TRAF3IP3: variants seen among roughly 807,000 people sequenced by gnomAD.
The protein encoded by TRAF3IP3 is TRAF3-interacting JNK-activating modulator.
TRAF3IP3 carries 64 observed loss-of-function variants against 86.5 expected under a neutral mutation model. The ratio of observed to expected loss-of-function variants is 0.74; its 90% CI spans 0.60 to 0.91. The LOEUF is 0.91. Ranked by LOEUF, TRAF3IP3 falls within the 40% of genes least tolerant of loss-of-function variation. TRAF3IP3 has a pLI of 0.00. For synonymous variants in TRAF3IP3, 220 were observed against 243.9 expected (o/e 0.90, Z 0.91); for missense variants, 579 against 642.9 (o/e 0.90, Z 1.07).
chr1:209,764,627 C>A (rs1324087135), intron 8 of TRAF3IP3, among the ~76,000 whole-genome samples: 2 of 151,330 alleles, frequency 1.3e-5, no homozygotes, highest in Admixed American at 1.3e-4. Context: ...GCCTGTAATC[C>A]CAGCTACTCA....
chr1:209,767,017 G>A (rs571803581), intron 8 of TRAF3IP3, among the ~76,000 whole-genome samples: 1 of 152,328 alleles, frequency 6.6e-6, no homozygotes, highest in African/African-American at 2.4e-5. Flanking sequence ...ACAGGCCTAT[G>A]TATGGCAAAG....
chr1:209,764,880 A>G (rs989334976), intron 8 of TRAF3IP3, among the ~76,000 whole-genome samples: 1 of 152,202 alleles, frequency 6.6e-6, no homozygotes, highest in Admixed American at 6.5e-5. Flanking sequence ...CATACTAGAA[A>G]TTAAAACAGT....
At chr1:209,781,052 C>G (rs1327299373) in intron 15 of TRAF3IP3, 1 of 230,688 alleles carries the variant, frequency 4.3e-6, no homozygotes. Context: ...TCTATAAGAA[C>G]TTCATTTTTC....
intron 8 of TRAF3IP3, chr1:209,768,728 C>A: frequency 1.0e-6 from 1 of 978,160 alleles, no homozygotes; most frequent in Non-Finnish European, 1.2e-6. Flanking sequence ...CCTCGGCTCC[C>A]GGGGTCTAAC....
chr1:209,774,643 G>A (rs977805465), intron 9 of TRAF3IP3, among the ~76,000 whole-genome samples: 22 of 152,230 alleles, frequency 1.4e-4, no homozygotes. Flanking sequence ...AGCATGGGAT[G>A]AAAGTCTAGG....
intron 8 of TRAF3IP3, chr1:209,768,279 C>G (rs1571929988): frequency 1.0e-6 from 1 of 985,452 alleles, no homozygotes; most frequent in Non-Finnish European, 1.2e-6. Context: ...CAAGGATCAG[C>G]TCCCTCCGCT....
chr1:209,775,271 T>G, intron 9 of TRAF3IP3, 78 bp from the exon 10 acceptor site: 1 of 1,435,548 alleles, frequency 7.0e-7, no homozygotes, highest in Non-Finnish European at 9.5e-7. Flanking sequence ...ACCAACTTCT[T>G]TTCATTTCTG....
In TRAF3IP3 at chr1:209,780,570, A is replaced by G; in HGVS notation, c.1413A>G (p.Gln471=). ...ACTGGGATCTCAGAGACCAGCTGCA[A>G]AAGAAGACTTTGCAGCTCCAGGCCA... ...EKDWDLRDQL[Q]KKTLQLQAKE... The change falls in exon 15 of 17, where the codon CAA becomes CAG. Residue 471 remains glutamine, a synonymous_variant. Transcript: ENST00000367025. 6.3e-7 allele frequency: 1 copy of G among 1,598,988 alleles called. No homozygotes were observed. The highest frequency in any genetic ancestry group is 1.7e-5 in the Admixed American group (1 of 58,744).
In TRAF3IP3 at chr1:209,778,141, T is replaced by C. The variant is rs2077697921; in HGVS notation, c.1220T>C (p.Leu407Pro). The C allele has an allele frequency of 6.2e-7, 1 of 1,614,138 alleles. No individual in the cohort carries two copies. Among genetic ancestry groups the C allele is most frequent in the Non-Finnish European group, 8.5e-7 (1 of 1,179,984 alleles). The change falls in exon 13 of 17, where the codon CTC (leucine) becomes CCC (proline). Residue 407 changes from leucine (L) to proline (P), a missense_variant. Coordinates refer to ENST00000367025, the MANE Select transcript of TRAF3IP3 (RefSeq NM_025228.4). ...CTAAAAAGGTCAGAGGCAGAGAAACTCACCCTGGTGACCAGAGTACAGCAG... is the reference window on the plus strand; with the variant it reads ...CTAAAAAGGTCAGAGGCAGAGAAACCCACCCTGGTGACCAGAGTACAGCAG... Reference protein sequence around the residue: ...DQLKRSEAEKLTLVTRVQQLQ... With the variant: ...DQLKRSEAEKPTLVTRVQQLQ...
chr1:209,767,656 C>T (rs540328021), intron 8 of TRAF3IP3, among the ~76,000 whole-genome samples: 14 of 149,828 alleles, frequency 9.3e-5, no homozygotes, highest in Admixed American at 8.0e-4. Context: ...CATGGGGTAA[C>T]AGAGCAAGAC....
chr1:209,760,070 G>A lies in TRAF3IP3; in HGVS notation c.31G>A (p.Gly11Ser). 6.2e-7 allele frequency: 1 copy of A among 1,614,034 alleles called. No individual in the cohort carries two copies. Among genetic ancestry groups the A allele is most frequent in the Non-Finnish European group, 8.5e-7 (1 of 1,179,950 alleles). The change falls in exon 3 of 17, where the codon GGC becomes AGC. Residue 11 changes from glycine (G) to serine (S), a missense_variant. Gly to Ser is a moderately conservative substitution (Grantham distance 56). Coordinates refer to ENST00000367025, the MANE Select transcript of TRAF3IP3 (RefSeq NM_025228.4). ...CAGCCCAGACCCCAGGCCCTCCCCTGGCTTGGCCCGGTGGGCTGAGAGCTA... is the reference window on the plus strand; with the variant it reads ...CAGCCCAGACCCCAGGCCCTCCCCTAGCTTGGCCCGGTGGGCTGAGAGCTA... MISPDPRPSP[G>S]LARWAESYEA...
chr1:209,760,052 G>T lies in TRAF3IP3; in HGVS notation c.13G>T (p.Asp5Tyr), dbSNP rs1244912550. MISP[D>Y]PRPSPGLARW... The stretch of plus-strand genomic sequence containing the variant: ...CTTGGAGGTCATCATGATCAGCCCA[G>T]ACCCCAGGCCCTCCCCTGGCTTGGC... Residue 5 changes from aspartate (D) to tyrosine (Y), a missense_variant, in exon 3 of 17, where the codon GAC (aspartate) becomes TAC (tyrosine). Asp to Tyr is a radical substitution (Grantham distance 160). Coordinates refer to ENST00000367025, the MANE Select transcript of TRAF3IP3 (RefSeq NM_025228.4). 1.2e-6 allele frequency: 2 copies of T among 1,613,240 alleles called. No individual in the cohort carries two copies. The highest frequency in any genetic ancestry group is 4.5e-5 in the East Asian group (2 of 44,878).
At chr1:209,758,907 C>G (rs868815692) in intron 1 of TRAF3IP3, 127 bp from the exon 2 acceptor site, 3 of 152,582 alleles carry the variant, frequency 2.0e-5, no homozygotes, top group African/African-American at 7.2e-5. Flanking sequence ...AAAGGGGATT[C>G]AGGTCTAGGT....
At chr1:209,777,237 CTTCT>C (rs1571959794) in intron 11 of TRAF3IP3, 111 bp from the exon 12 acceptor site, 1 of 882,590 alleles carries the variant, frequency 1.1e-6, no homozygotes, top group Non-Finnish European at 1.7e-6. Context: ...CCTAACATTC[CTTCT>C]ATCTCTAAAA....
chr1:209,771,983 G>T (rs1004499108), intron 8 of TRAF3IP3, among the ~76,000 whole-genome samples: 2 of 145,732 alleles, frequency 1.4e-5, no homozygotes, highest in Admixed American at 7.3e-5. Flanking sequence ...GTGGAGGTAC[G>T]TGTGTGCAGG....
chr1:209,756,422 T>C (rs1571901209), intron 1 of TRAF3IP3, 113 bp downstream of exon 1: 1 of 152,148 alleles, frequency 6.6e-6, no homozygotes. Flanking sequence ...GGTGGCATAG[T>C]TTAAGGGTGT....
rs367752583 is a variant in TRAF3IP3 at position 209,757,017 on chromosome 1, G to C, written c.-160+708G>C. On this transcript the variant is annotated intron_variant, in intron 1 of 16. Coordinates refer to ENST00000367025, the MANE Select transcript of TRAF3IP3 (RefSeq NM_025228.4). ...GGGACCAGTTCCCTTTTCTTTAGCAGCCTACCCCTGTCAGCCGTCCCACAT... is the reference window on the plus strand; with the variant it reads ...GGGACCAGTTCCCTTTTCTTTAGCACCCTACCCCTGTCAGCCGTCCCACAT... Among the ~76,000 whole-genome samples, 11 of 152,300 alleles carry C rather than the reference G, an allele frequency of 7.2e-5. No homozygotes were observed. The East Asian group carries it at 1.4e-3, about 19-fold the overall frequency.
intron 3 of TRAF3IP3, among the ~76,000 whole-genome samples, chr1:209,761,879 A>G (rs1301834885): frequency 6.7e-6 from 1 of 149,336 alleles, no homozygotes; most frequent in Non-Finnish European, 1.5e-5. Flanking sequence ...TAGAGAGAGA[A>G]AAAAAAACAA....
chr1:209,764,705 T>C (rs1002275413), intron 8 of TRAF3IP3, among the ~76,000 whole-genome samples: 12 of 147,680 alleles, frequency 8.1e-5, no homozygotes, highest in Admixed American at 6.8e-5. Context: ...GATCACCTCA[T>C]TGCACTCCAG....
Sources: allele counts gnomAD v4.1 joint callset (sites outside exome capture counted in the v4.1 genomes callset), GRCh38; gene constraint gnomAD v4.1.1; transcripts MANE v1.5; gene names NCBI Gene and HGNC (gene_info 2026-07-23, HGNC 2026-07-21).